The following MARCHF1 variants were observed in gnomAD, a reference collection of about 807,000 sequenced individuals.
MARCHF1 encodes membrane associated ring-CH-type finger 1.
MARCHF1 carries 40 observed loss-of-function variants against 54.2 expected under a neutral mutation model. That is an observed-to-expected ratio of 0.74 (90% CI 0.57 to 0.96). The LOEUF (loss-of-function observed/expected upper bound fraction) is 0.96, where lower values mean the gene tolerates loss of function less well. MARCHF1 is among the 40% of genes least tolerant of loss of function. The pLI is 0.00. For synonymous variants in MARCHF1, 236 were observed against 236.3 expected (o/e 1.00, Z 0.01); for missense variants, 586 against 656.5 (o/e 0.89, Z 1.17).
intron 1 of MARCHF1, among the ~76,000 whole-genome samples, chr4:164,265,172 G>A (rs889587809): frequency 1.3e-5 from 2 of 151,890 alleles, no homozygotes; most frequent in African/African-American, 4.8e-5. Flanking sequence ...GCTTTAATTT[G>A]AAATATTAAT....
chr4:163,831,132 G>A (rs114246751), intron 4 of MARCHF1, among the ~76,000 whole-genome samples: 10 of 152,248 alleles, frequency 6.6e-5, no homozygotes, highest in Non-Finnish European at 8.8e-5. Context: ...AATTCTCTTC[G>A]TAACTGACTC....
At chr4:163,636,111 A>G (rs1010671444) in intron 5 of MARCHF1, among the ~76,000 whole-genome samples, 21 of 152,204 alleles carry the variant, frequency 1.4e-4, no homozygotes, top group African/African-American at 4.1e-4. Flanking sequence ...AATAAGAGCT[A>G]TCTATGACAA....
At chr4:163,887,386 G>A (rs1156360075) in intron 3 of MARCHF1, among the ~76,000 whole-genome samples, 1 of 152,000 alleles carries the variant, frequency 6.6e-6, no homozygotes, top group Non-Finnish European at 1.5e-5. Context: ...TAAATGTCCT[G>A]AACTGGCAAA....
At chr4:163,789,962 C>CATT (rs1241163390) in intron 4 of MARCHF1, among the ~76,000 whole-genome samples, 1 of 152,042 alleles carries the variant, frequency 6.6e-6, no homozygotes, top group Non-Finnish European at 1.5e-5. Flanking sequence ...AATGATATAA[C>CATT]ATTAAAGTGT....
At chr4:163,766,188 C>T (rs964124202) in intron 4 of MARCHF1, among the ~76,000 whole-genome samples, 5 of 151,844 alleles carry the variant, frequency 3.3e-5, no homozygotes, top group Admixed American at 6.6e-5. Context: ...TGTGGTGACA[C>T]CTATAAATCA....
At chr4:164,045,739 A>T (rs1277618072) in intron 2 of MARCHF1, among the ~76,000 whole-genome samples, 1 of 149,376 alleles carries the variant, frequency 6.7e-6, no homozygotes, top group African/African-American at 2.4e-5. Flanking sequence ...TAGTCATGTA[A>T]TACACTTCCT....
At chr4:163,761,298 GTC>G (rs985261512) in intron 4 of MARCHF1, among the ~76,000 whole-genome samples, 31 of 152,212 alleles carry the variant, frequency 2.0e-4, no homozygotes, top group African/African-American at 7.2e-4. Flanking sequence ...AGAGCTTAAA[GTC>G]TGCAGGGCAG....
intron 2 of MARCHF1, among the ~76,000 whole-genome samples, chr4:164,031,364 A>C (rs1338596271): frequency 6.6e-6 from 1 of 151,472 alleles, no homozygotes; most frequent in Non-Finnish European, 1.5e-5. Context: ...TATTGTGTCT[A>C]TTTGACTCTT....
At chr4:163,634,557 T>A (rs1272972462) in intron 5 of MARCHF1, among the ~76,000 whole-genome samples, 1 of 151,838 alleles carries the variant, frequency 6.6e-6, no homozygotes, top group Non-Finnish European at 1.5e-5. Context: ...CTATCCTAAA[T>A]ATATATGCAC....
chr4:164,013,451 A>G (rs1753468958), intron 2 of MARCHF1, among the ~76,000 whole-genome samples: 1 of 152,192 alleles, frequency 6.6e-6, no homozygotes, highest in Non-Finnish European at 1.5e-5. Flanking sequence ...GGCCTTAAGG[A>G]GGATGGAAAG....
At chr4:163,891,417 T>C (rs1443452472) in intron 3 of MARCHF1, among the ~76,000 whole-genome samples, 2 of 152,174 alleles carry the variant, frequency 1.3e-5, no homozygotes, top group Non-Finnish European at 2.9e-5. Context: ...TGTTCTGTTT[T>C]CTCATTTTAA....
At chr4:163,680,462 A>T (rs1047166359) in intron 5 of MARCHF1, among the ~76,000 whole-genome samples, 5 of 152,164 alleles carry the variant, frequency 3.3e-5, no homozygotes, top group African/African-American at 1.2e-4. Flanking sequence ...AAACCTAATA[A>T]TCTTTCTCAG....
At chr4:164,109,059 T>G (rs1439413510) in intron 2 of MARCHF1, among the ~76,000 whole-genome samples, 1 of 152,070 alleles carries the variant, frequency 6.6e-6, no homozygotes, top group Non-Finnish European at 1.5e-5. Flanking sequence ...TGGACAATTA[T>G]TCGACTGGGA....
At chr4:164,230,775 G>A (rs1386739893) in intron 1 of MARCHF1, among the ~76,000 whole-genome samples, 1 of 152,034 alleles carries the variant, frequency 6.6e-6, no homozygotes. Context: ...AAATTCAGAA[G>A]GAATTTGTTA....
In MARCHF1 at chr4:164,345,579, A is replaced by C. The variant is rs1250344275; in HGVS notation, c.-323+38291T>G. Among the ~76,000 whole-genome samples, 321 of 36,828 alleles carry C rather than the reference A, an allele frequency of 8.7e-3. 3 individuals carry two copies. Among genetic ancestry groups the C allele is most frequent in the African/African-American group, 0.023 (306 of 13,594 alleles). 24.2% of individuals were successfully genotyped at this position (36,828 alleles called of 152,430 possible). On this transcript the variant is annotated intron_variant, in intron 1 of 9. Transcript: ENST00000514618. ...AGCAAGAATCTGTCTCAAACATAAT[A>C]ATAATAATAATAATAATAATAATAA...
At chr4:164,371,221 G>C (rs1275287939) in intron 1 of MARCHF1, among the ~76,000 whole-genome samples, 21 of 151,946 alleles carry the variant, frequency 1.4e-4, no homozygotes, top group Non-Finnish European at 8.8e-5. Context: ...TGGGGGGATG[G>C]GTTAATCCCT....
intron 4 of MARCHF1, among the ~76,000 whole-genome samples, chr4:163,740,740 G>C (rs1429228308): frequency 6.6e-6 from 1 of 152,184 alleles, no homozygotes; most frequent in Admixed American, 6.5e-5. Flanking sequence ...AAGATTCATG[G>C]AGAACTATAT....
At chr4:163,750,849 T>G (rs1746500277) in intron 4 of MARCHF1, among the ~76,000 whole-genome samples, 1 of 152,192 alleles carries the variant, frequency 6.6e-6, no homozygotes, top group Non-Finnish European at 1.5e-5. Context: ...TGTATTTCTC[T>G]CTGGTATGTA....
intron 8 of MARCHF1, among the ~76,000 whole-genome samples, chr4:163,579,649 C>T (rs1483670608): frequency 6.8e-6 from 1 of 146,482 alleles, no homozygotes; most frequent in African/African-American, 2.6e-5. Flanking sequence ...ACTTAGACTT[C>T]CCTTAGGCTT....
Sources: allele counts gnomAD v4.1 joint callset (sites outside exome capture counted in the v4.1 genomes callset), GRCh38; gene constraint gnomAD v4.1.1; transcripts MANE v1.5; gene names NCBI Gene and HGNC (gene_info 2026-07-23, HGNC 2026-07-21).